PTPRT: variants seen among roughly 807,000 people sequenced by gnomAD.
The protein encoded by PTPRT is protein tyrosine phosphatase receptor type T.
In PTPRT, 56 loss-of-function variants were observed where a neutral mutation model predicts 176.8. The observed-to-expected ratio is 0.32, with a 90% CI of 0.26 to 0.40. The LOEUF (loss-of-function observed/expected upper bound fraction) is 0.40. Among genes scored for constraint, PTPRT ranks in the 10% least tolerant of loss-of-function variants. The pLI is 1.00. For missense variants in PTPRT, 1,540 were observed against 1,908.2 expected, an observed-to-expected ratio of 0.81 and a Z score of 3.60; for synonymous variants, 783 against 739.0, an observed-to-expected ratio of 1.06 and a Z score of -0.96.
intron 5 of PTPRT, among the ~76,000 whole-genome samples, chr20:42,760,057 T>C (rs1021920238): frequency 6.6e-6 from 1 of 152,044 alleles, no homozygotes; most frequent in Non-Finnish European, 1.5e-5. Context: ...TACCCCAGAG[T>C]GGATGGTACC....
chr20:42,949,283 T>C (rs1327400421), intron 1 of PTPRT, among the ~76,000 whole-genome samples: 1 of 152,224 alleles, frequency 6.6e-6, no homozygotes, highest in African/African-American at 2.4e-5. Context: ...AGTAGTGATG[T>C]TCTGGAACTT....
rs181532092 is a variant in PTPRT, at chr20:42,289,501, A to G, written c.2140-6976T>C. Among the ~76,000 whole-genome samples, 5 of 152,234 alleles carry G rather than the reference A, an allele frequency of 3.3e-5. No individual in the cohort carries two copies. The East Asian group carries it at 7.7e-4, about 23-fold the overall frequency. On this transcript the variant is annotated intron_variant, in intron 12 of 30. Coordinates refer to ENST00000373187, the MANE Select transcript of PTPRT (RefSeq NM_007050.6). ...ACAAACAGACATTTCTCAAAAGAAG[A>G]CGTATAAGTGGCCAACAAACATGAA...
At chr20:42,119,013 GAAAAAAAA>G (rs11415242) in intron 20 of PTPRT, among the ~76,000 whole-genome samples, 60 of 29,218 alleles carry the variant, frequency 2.1e-3, no homozygotes, top group African/African-American at 7.8e-3. Flanking sequence ...AGAAAGGAAG[GAAAAAAAA>G]AAAAAAAAAA....
At chr20:42,182,846 T>C (rs781586240) in intron 16 of PTPRT, among the ~76,000 whole-genome samples, 26 of 151,936 alleles carry the variant, frequency 1.7e-4, no homozygotes, top group Non-Finnish European at 2.5e-4. Context: ...CTACCATTGC[T>C]TCATTACAGA....
intron 9 of PTPRT, among the ~76,000 whole-genome samples, chr20:42,370,439 G>A (rs1296676979): frequency 2.0e-5 from 3 of 152,134 alleles, no homozygotes; most frequent in South Asian, 2.1e-4. Flanking sequence ...ATCAGAGGAC[G>A]GGCTACGTTT....
chr20:42,082,077 TCTAAAG>T (rs1983388049), intron 29 of PTPRT, 60 bp from the exon 30 acceptor site: 1 of 1,608,870 alleles, frequency 6.2e-7, no homozygotes, highest in Non-Finnish European at 8.5e-7. Flanking sequence ...ACCTGATGAT[TCTAAAG>T]CTACATCAGT....
intron 7 of PTPRT, among the ~76,000 whole-genome samples, chr20:42,520,090 A>G (rs755929070): frequency 2.0e-5 from 3 of 152,062 alleles, no homozygotes; most frequent in African/African-American, 2.4e-5. Context: ...TTTTGCCCAG[A>G]GTATCTTATT....
chr20:42,845,578 G>C (rs535571248), intron 2 of PTPRT, among the ~76,000 whole-genome samples: 1 of 152,112 alleles, frequency 6.6e-6, no homozygotes, highest in African/African-American at 2.4e-5. Context: ...TGTTGAGAGG[G>C]CACACACCTG....
Position 42,615,832 on chromosome 20 carries a change from T to C in PTPRT, c.1153+62034A>G, listed in dbSNP as rs1243199095. On this transcript the variant is annotated intron_variant, in intron 7 of 30. Transcript: ENST00000373187. Reference sequence around the variant, plus strand: ...GTTTGAGTTCATTGTAGATTCTGGATATTAGCCCTTTGTCAGATGAGTAGG... The same window carrying C: ...GTTTGAGTTCATTGTAGATTCTGGACATTAGCCCTTTGTCAGATGAGTAGG... 1.1e-4 allele frequency among the ~76,000 whole-genome samples: 13 copies of C among 113,434 alleles called. 1 individual carries two copies. Among genetic ancestry groups the C allele is most frequent in the Middle Eastern group, 3.9e-3 (1 of 256 alleles). The allele number at this position is 113,434 out of a possible 152,430, so 74.4% of individuals were successfully genotyped here. A position where few individuals can be genotyped will look rare whatever the true frequency, so the allele number is the denominator to read the frequency against.
chr20:42,047,785 A>G, the PTPRT span, among the ~76,000 whole-genome samples: 1 of 152,170 alleles, frequency 6.6e-6, no homozygotes, highest in African/African-American at 2.4e-5. Context: ...TTGTGACCCC[A>G]TAAACCCATG....
chr20:43,070,905 C>T (rs2011171478), intron 1 of PTPRT, among the ~76,000 whole-genome samples: 3 of 146,512 alleles, frequency 2.0e-5, no homozygotes, highest in African/African-American at 7.6e-5. Context: ...CAACATGGCA[C>T]ATGTATACAT....
chr20:42,389,272 TA>T (rs576949723), intron 9 of PTPRT, among the ~76,000 whole-genome samples: 61 of 144,346 alleles, frequency 4.2e-4, no homozygotes, highest in African/African-American at 7.9e-4. Flanking sequence ...ACTTAAAGTA[TA>T]AAAAAAAAAA....
At chr20:42,957,271 A>G (rs1981699229) in intron 1 of PTPRT, among the ~76,000 whole-genome samples, 1 of 152,212 alleles carries the variant, frequency 6.6e-6, no homozygotes, top group Non-Finnish European at 1.5e-5. Context: ...CGGCAAGCCA[A>G]TCTAATTAGG....
intron 1 of PTPRT, among the ~76,000 whole-genome samples, chr20:42,939,301 T>C (rs933352722): frequency 1.3e-5 from 2 of 152,222 alleles, no homozygotes; most frequent in Non-Finnish European, 2.9e-5. Context: ...AAGTAGAGAA[T>C]GATTCTGAAT....
At chr20:42,417,958 G>C (rs1259820871) in intron 9 of PTPRT, among the ~76,000 whole-genome samples, 2 of 151,902 alleles carry the variant, frequency 1.3e-5, no homozygotes, top group African/African-American at 2.4e-5. Context: ...CAGGCTGCTC[G>C]ACATTTTTTG....
At chr20:42,197,376 CAAAAAAAA>C (rs3086756) in intron 16 of PTPRT, among the ~76,000 whole-genome samples, 46 of 33,316 alleles carry the variant, frequency 1.4e-3, no homozygotes, top group African/African-American at 5.9e-3. Context: ...GAGACTCCAT[CAAAAAAAA>C]AAAAAAAAAA....
At chr20:42,484,654 G>A (rs898319823) in intron 7 of PTPRT, among the ~76,000 whole-genome samples, 12 of 152,172 alleles carry the variant, frequency 7.9e-5, no homozygotes, top group African/African-American at 1.9e-4. Flanking sequence ...TGGTACTACC[G>A]GTGCTCTTGT....
intron 1 of PTPRT, among the ~76,000 whole-genome samples, chr20:43,021,743 A>C (rs566007559): frequency 1.3e-5 from 2 of 152,046 alleles, no homozygotes; most frequent in South Asian, 2.1e-4. Flanking sequence ...TGTAACAGAA[A>C]CCAAATTAAA....
chr20:42,116,090 C>G, intron 21 of PTPRT: 1 of 723,490 alleles, frequency 1.4e-6, no homozygotes, highest in Middle Eastern at 2.3e-4. Context: ...CAGTGTGTTC[C>G]GCTGGGTGCT....
Sources: gnomAD v4.1 joint callset for allele counts (sites outside exome capture counted in the v4.1 genomes callset) on GRCh38, gnomAD v4.1.1 for gene constraint, MANE v1.5 for transcripts, NCBI Gene and HGNC (gene_info 2026-07-23, HGNC 2026-07-21) for gene names.